GRIA2: variants seen among roughly 807,000 people sequenced by gnomAD.
GRIA2 encodes the protein glutamate receptor 2.
In GRIA2, 14 loss-of-function variants were observed where a neutral mutation model predicts 97.3. The ratio of observed to expected loss-of-function variants is 0.14; its 90% CI spans 0.10 to 0.23. The LOEUF is 0.23. Among genes scored for constraint, GRIA2 ranks in the 10% least tolerant of loss-of-function variants. The pLI is 1.00. For synonymous variants in GRIA2, 412 were observed against 387.8 expected, an observed-to-expected ratio of 1.06 and a Z score of -0.73; for missense variants, 558 against 1,069.8, an observed-to-expected ratio of 0.52 and a Z score of 6.67.
chr4:157,247,702 A>T (rs1278399644), intron 2 of GRIA2, among the ~76,000 whole-genome samples: 1 of 152,048 alleles, frequency 6.6e-6, no homozygotes, highest in Non-Finnish European at 1.5e-5. Flanking sequence ...GAAAGCTGAG[A>T]TCAGAGTTAT....
rs73856860 is a variant in GRIA2 at position 157,316,917 on chromosome 4, C to T, written c.667-741C>T. Among the ~76,000 whole-genome samples the T allele has an allele frequency of 1.4e-3, 207 of 152,290 alleles. 1 individual carries two copies. The highest frequency in any genetic ancestry group is 4.9e-3 in the African/African-American group (203 of 41,564). Reference sequence around the variant, plus strand: ...TACTCTCTTCGTAATTGATACAGATCATTCAAAAGTCAAATTGATCAATAA... The same window carrying T: ...TACTCTCTTCGTAATTGATACAGATTATTCAAAAGTCAAATTGATCAATAA... On this transcript the variant is annotated intron_variant, in intron 4 of 15. Coordinates refer to ENST00000264426, the MANE Select transcript of GRIA2 (RefSeq NM_001083619.3).
In GRIA2 at chr4:157,360,130, G is replaced by A; in HGVS notation, c.2278G>A (p.Gly760Arg). The A allele has an allele frequency of 6.2e-7, 1 of 1,613,588 alleles. No homozygotes were observed. Among genetic ancestry groups the A allele is most frequent in the Admixed American group, 1.7e-5 (1 of 59,974 alleles). Residue 760 changes from glycine to arginine, a missense_variant, in exon 13 of 16, where the codon GGA becomes AGA. Around this residue, in one of 8 missense-constraint regions of GRIA2, gnomAD observed 125 missense variants for 310.2 expected, o/e 0.40. Coordinates refer to ENST00000264426, the MANE Select transcript of GRIA2 (RefSeq NM_001083619.3). ...AGGCTATGGCATCGCAACACCTAAA[G>A]GATCCTCATTAAGGTGGGTGGAATA... ...SKGYGIATPK[G>R]SSLRNAVNLA...
intron 2 of GRIA2, among the ~76,000 whole-genome samples, chr4:157,227,809 T>C (rs1430505071): frequency 1.3e-5 from 2 of 152,224 alleles, no homozygotes; most frequent in Non-Finnish European, 2.9e-5. Context: ...CCAAATCTCT[T>C]GTATGACTGT....
intron 6 of GRIA2, among the ~76,000 whole-genome samples, chr4:157,323,297 T>G (rs936579714): frequency 8.9e-6 from 1 of 112,006 alleles, no homozygotes; most frequent in Non-Finnish European, 1.6e-5. Flanking sequence ...ATCGCGCCAC[T>G]GCACACTCCA....
intron 2 of GRIA2, among the ~76,000 whole-genome samples, chr4:157,258,579 C>T (rs1012411121): frequency 2.0e-5 from 3 of 152,054 alleles, no homozygotes; most frequent in South Asian, 4.1e-4. Flanking sequence ...CCTGTCATCT[C>T]GCCCTGCCTC....
At chr4:157,232,905 C>G (rs1377892769) in intron 2 of GRIA2, among the ~76,000 whole-genome samples, 1 of 152,162 alleles carries the variant, frequency 6.6e-6, no homozygotes, top group Non-Finnish European at 1.5e-5. Context: ...TAGTCTACAT[C>G]TCAGTTTCTA....
Position 157,361,775 on chromosome 4 carries a change from T to G in GRIA2, c.2406+651T>G. The G allele has an allele frequency of 1.5e-6, 1 of 650,978 alleles. No homozygotes were observed. Among genetic ancestry groups the G allele is most frequent in the Non-Finnish European group, 2.7e-6 (1 of 366,370 alleles). The allele number at this position is 650,978 out of a possible 1,614,324, so 40.3% of individuals were successfully genotyped here. ...AATGTAAATGCAAATATGCATGAGATGCATAATTTGGTAAGATGTTTTGGT... is the reference window on the plus strand; with the variant it reads ...AATGTAAATGCAAATATGCATGAGAGGCATAATTTGGTAAGATGTTTTGGT... On this transcript the variant is annotated intron_variant, in intron 14 of 15. Transcript: ENST00000264426. The surrounding 1 kb of genome is among the most constrained non-coding windows in gnomAD (Gnocchi z 5.2).
At chr4:157,250,523 T>G (rs1730974876) in intron 2 of GRIA2, among the ~76,000 whole-genome samples, 1 of 152,098 alleles carries the variant, frequency 6.6e-6, no homozygotes, top group African/African-American at 2.4e-5. Context: ...CAGAGTTTCT[T>G]TTCATTCGTT....
chr4:157,313,441 G>C (rs1429216948), intron 4 of GRIA2, among the ~76,000 whole-genome samples: 1 of 152,116 alleles, frequency 6.6e-6, no homozygotes, highest in Non-Finnish European at 1.5e-5. Context: ...TATTTGAGAA[G>C]TAAACTAGAT....
chr4:157,314,081 A>G (rs1185564764), intron 4 of GRIA2, among the ~76,000 whole-genome samples: 1 of 152,114 alleles, frequency 6.6e-6, no homozygotes. Context: ...GCTGCCTCAG[A>G]GGTGGCAGAG....
chr4:157,304,365 A>T (rs72687318), intron 3 of GRIA2, among the ~76,000 whole-genome samples: 11,131 of 152,216 alleles, frequency 0.073, 530 homozygotes, highest in Non-Finnish European at 0.1. Context: ...TTATAATGGG[A>T]TGATTTTGAA....
At chr4:157,359,687 T>C (rs1405465613) in intron 12 of GRIA2, among the ~76,000 whole-genome samples, 1 of 152,184 alleles carries the variant, frequency 6.6e-6, no homozygotes, top group Non-Finnish European at 1.5e-5. Context: ...TAAATCGATG[T>C]TTCAGGTCCT....
chr4:157,228,528 C>T (rs1308860114), intron 2 of GRIA2, among the ~76,000 whole-genome samples: 2 of 152,112 alleles, frequency 1.3e-5, no homozygotes, highest in Non-Finnish European at 2.9e-5. Flanking sequence ...CTCAGTGGCT[C>T]ATGCCTGTAA....
At chr4:157,301,571 G>T (rs186473852) in intron 2 of GRIA2, among the ~76,000 whole-genome samples, 2 of 152,124 alleles carry the variant, frequency 1.3e-5, no homozygotes, top group South Asian at 4.1e-4. Context: ...GATTCATACC[G>T]TACAACAGTT....
At chr4:157,335,443 G>T (rs1396695559) in intron 9 of GRIA2, 6 of 531,606 alleles carry the variant, frequency 1.1e-5, no homozygotes, top group Admixed American at 9.4e-5. Flanking sequence ...TGTTAACTCA[G>T]TATGCTTGCA....
chr4:157,363,389 T>G, intron 15 of GRIA2, 46 bp from the exon 16 acceptor site: 1 of 1,188,166 alleles, frequency 8.4e-7, no homozygotes, highest in Non-Finnish European at 1.1e-6. Flanking sequence ...TTGAAAACCA[T>G]AACGTATGAT....
chr4:157,311,277 A>T (rs911712332), intron 3 of GRIA2, among the ~76,000 whole-genome samples: 1 of 152,050 alleles, frequency 6.6e-6, no homozygotes, highest in African/African-American at 2.4e-5. Context: ...ACATAATTTC[A>T]TAGATTTAAA....
chr4:157,236,232 G>C (rs1037446040), intron 2 of GRIA2, among the ~76,000 whole-genome samples: 2 of 151,816 alleles, frequency 1.3e-5, no homozygotes, highest in Non-Finnish European at 2.9e-5. Flanking sequence ...CTTAAAAATT[G>C]TGATGAAAAT....
chr4:157,222,263 G>A (rs548619430), intron 2 of GRIA2, among the ~76,000 whole-genome samples: 1 of 152,300 alleles, frequency 6.6e-6, no homozygotes, highest in African/African-American at 2.4e-5. Context: ...GTGGCCTCCT[G>A]CCCCAGCAGC....
Sources: allele counts gnomAD v4.1 joint callset (sites outside exome capture counted in the v4.1 genomes callset), GRCh38; gene constraint gnomAD v4.1.1; regional missense constraint gnomAD v4.1.1; non-coding constraint Gnocchi (gnomAD v3.1); transcripts MANE v1.5; gene names NCBI Gene and HGNC (gene_info 2026-07-23, HGNC 2026-07-21).